TNNI3K: variants seen among roughly 807,000 people sequenced by gnomAD.
The protein encoded by TNNI3K is TNNI3 interacting kinase.
TNNI3K carries 140 observed loss-of-function variants against 114.5 expected under a neutral mutation model. The observed-to-expected ratio is 1.22, with a 90% CI of 1.07 to 1.41. TNNI3K has a LOEUF of 1.41. Among genes scored for constraint, TNNI3K ranks in the 40% most tolerant of loss-of-function variants. TNNI3K has a pLI of 0.00. For synonymous variants in TNNI3K, 347 were observed against 347.5 expected, an observed-to-expected ratio of 1.00 and a Z score of 0.02; for missense variants, 1,125 against 1,007.6, an observed-to-expected ratio of 1.12 and a Z score of -1.58.
intron 21 of TNNI3K, among the ~76,000 whole-genome samples, chr1:74,477,738 T>C (rs1460479314): frequency 6.6e-6 from 1 of 152,182 alleles, no homozygotes; most frequent in Non-Finnish European, 1.5e-5. Flanking sequence ...TTTCCATTAG[T>C]GCAGAAAGCA....
chr1:74,241,101 G>C (rs972646524), intron 2 of TNNI3K, among the ~76,000 whole-genome samples: 7 of 152,226 alleles, frequency 4.6e-5, no homozygotes, highest in Admixed American at 3.3e-4. Flanking sequence ...AGGACATGAA[G>C]TCATCATTTT....
intron 21 of TNNI3K, among the ~76,000 whole-genome samples, chr1:74,477,341 A>T (rs1668255941): frequency 6.6e-6 from 1 of 152,048 alleles, no homozygotes; most frequent in Admixed American, 6.6e-5. Flanking sequence ...ATTAAATAAT[A>T]TATGTGACAT....
At chr1:74,254,684 A>G (rs1462207523) in intron 4 of TNNI3K, among the ~76,000 whole-genome samples, 2 of 152,192 alleles carry the variant, frequency 1.3e-5, no homozygotes, top group Non-Finnish European at 2.9e-5. Flanking sequence ...TCATTGTTAG[A>G]GGAAAGGGGT....
At chr1:74,323,994 A>G (rs1659762792) in intron 5 of TNNI3K, among the ~76,000 whole-genome samples, 1 of 152,230 alleles carries the variant, frequency 6.6e-6, no homozygotes, top group African/African-American at 2.4e-5. Flanking sequence ...ATAAAATCTT[A>G]AGGAAGAAGT....
At chr1:74,531,577 G>A (rs1646584194) in intron 23 of TNNI3K, among the ~76,000 whole-genome samples, 1 of 152,134 alleles carries the variant, frequency 6.6e-6, no homozygotes, top group South Asian at 2.1e-4. Context: ...AATGCCAAAA[G>A]GATGAGCCAG....
chr1:74,441,873 C>T (rs1165656989), intron 20 of TNNI3K, among the ~76,000 whole-genome samples: 1 of 152,080 alleles, frequency 6.6e-6, no homozygotes, highest in Admixed American at 6.6e-5. Context: ...ACTTTATCTG[C>T]TACATGTTTT....
At chr1:74,374,642 C>A (rs938426190) in intron 17 of TNNI3K, 2 of 151,980 alleles carry the variant, frequency 1.3e-5, no homozygotes, top group African/African-American at 4.8e-5. Context: ...TGCTTTATTT[C>A]TTCTTTCACA....
At chr1:74,503,459 T>A (rs1669737245) in intron 23 of TNNI3K, among the ~76,000 whole-genome samples, 1 of 152,236 alleles carries the variant, frequency 6.6e-6, no homozygotes, top group Non-Finnish European at 1.5e-5. Context: ...TTCAGCAGTG[T>A]CTTCTGAGCT....
At chr1:74,531,553 T>A (rs1264675200) in intron 23 of TNNI3K, among the ~76,000 whole-genome samples, 1 of 152,196 alleles carries the variant, frequency 6.6e-6, no homozygotes, top group Non-Finnish European at 1.5e-5. Context: ...TTTAAATAGA[T>A]CTGTTTTCAG....
chr1:74,314,153 CATATATATATAA>C (rs1659163459), intron 5 of TNNI3K, among the ~76,000 whole-genome samples: 1 of 146,724 alleles, frequency 6.8e-6, no homozygotes, highest in South Asian at 2.1e-4. Flanking sequence ...CAGTATTCCC[CATATATATATAA>C]ATATATATAT....
At position 74,414,820 on chromosome 1, in the gene TNNI3K, C is replaced by T. The variant is rs78554516; in HGVS notation, c.1773-21260C>T. ...ATCCAAATCACTCTTAATCACTCAC[C>T]TGGACTATCATAGTAAATTCCTGAT... On this transcript the variant is annotated intron_variant, in intron 17 of 24. Transcript: ENST00000326637. Among the ~76,000 whole-genome samples, 1,070 of 152,262 alleles carry T rather than the reference C, an allele frequency of 7.0e-3. 10 individuals carry two copies. The highest frequency in any genetic ancestry group is 0.025 in the African/African-American group (1,032 of 41,574).
At chr1:74,436,049 T>C (rs1570616636) in intron 17 of TNNI3K, 31 bp from the exon 18 acceptor site, 1 of 1,564,544 alleles carries the variant, frequency 6.4e-7, no homozygotes. Context: ...GCTTACTCAA[T>C]GTCTACTTTT....
intron 4 of TNNI3K, among the ~76,000 whole-genome samples, chr1:74,257,367 T>C (rs1181807263): frequency 6.6e-6 from 1 of 152,206 alleles, no homozygotes; most frequent in East Asian, 1.9e-4. Context: ...TTTCAACATC[T>C]AGATTAGCTC....
chr1:74,286,142 A>G lies in TNNI3K; in HGVS notation c.444+14434A>G, dbSNP rs558320909. On this transcript the variant is annotated intron_variant, in intron 5 of 24. Coordinates refer to ENST00000326637, the MANE Select transcript of TNNI3K (RefSeq NM_015978.3). The stretch of plus-strand genomic sequence containing the variant: ...TGCATGTCACCCTTTCCTAAAGCCT[A>G]TGCAGTTCAGTACAAATAGAGATAG... 2.9e-3 allele frequency among the ~76,000 whole-genome samples: 438 copies of G among 152,314 alleles called. 5 individuals are homozygous for G. The highest frequency in any genetic ancestry group is 0.01 in the African/African-American group (422 of 41,570).
At chr1:74,344,444 T>G (rs900592944) in intron 9 of TNNI3K, among the ~76,000 whole-genome samples, 1 of 152,180 alleles carries the variant, frequency 6.6e-6, no homozygotes, top group Non-Finnish European at 1.5e-5. Flanking sequence ...CTTTTTACAT[T>G]TCTTCATGTT....
At chr1:74,238,170 T>C (rs1557441073) in intron 2 of TNNI3K, among the ~76,000 whole-genome samples, 1 of 152,058 alleles carries the variant, frequency 6.6e-6, no homozygotes, top group Non-Finnish European at 1.5e-5. Context: ...AAAAATAATG[T>C]CTTCACCATA....
At chr1:74,484,205 G>T (rs892000207) in intron 21 of TNNI3K, among the ~76,000 whole-genome samples, 8 of 111,856 alleles carry the variant, frequency 7.2e-5, no homozygotes, top group African/African-American at 2.5e-4. Flanking sequence ...TATCTTCCCT[G>T]GTTGATTAAA....
At chr1:74,463,957 C>T (rs780292131) in intron 21 of TNNI3K, among the ~76,000 whole-genome samples, 4 of 152,166 alleles carry the variant, frequency 2.6e-5, no homozygotes, top group Non-Finnish European at 4.4e-5. Flanking sequence ...CACTGGCTCA[C>T]GTAGGAGGCA....
intron 22 of TNNI3K, among the ~76,000 whole-genome samples, chr1:74,490,563 A>G (rs1295017738): frequency 6.6e-6 from 1 of 152,202 alleles, no homozygotes; most frequent in Non-Finnish European, 1.5e-5. Flanking sequence ...CTCTCTCCCC[A>G]AGGGAGAAGA....
Sources: allele counts gnomAD v4.1 joint callset (sites outside exome capture counted in the v4.1 genomes callset), GRCh38; gene constraint gnomAD v4.1.1; transcripts MANE v1.5; gene names NCBI Gene and HGNC (gene_info 2026-07-23, HGNC 2026-07-21).